FAHD1: variants seen among roughly 807,000 people sequenced by gnomAD.
The protein encoded by FAHD1 is FAH domain containing oxaloacetate decarboxylase 1.
A neutral mutation model predicts 12.7 loss-of-function variants in FAHD1; 14 were observed. The observed-to-expected ratio is 1.10, with a 90% CI of 0.73 to 1.72. The LOEUF is 1.72. Among genes scored for constraint, FAHD1 ranks in the 40% most tolerant of loss-of-function variants. FAHD1 has a pLI of 0.00. For synonymous variants in FAHD1, 153 were observed against 124.9 expected (o/e 1.22, Z -1.50); for missense variants, 351 against 298.9 (o/e 1.17, Z -1.29).
chr16:1,829,059 C>A, downstream of FAHD1: 1 of 369,756 alleles, frequency 2.7e-6, no homozygotes, highest in Non-Finnish European at 3.8e-6. Context: ...ACTTCCCAAC[C>A]GGAGATAAGG....
chr16:1,837,143 G>A (rs1295988593), intron 1 of FAHD1, among the ~76,000 whole-genome samples: 1 of 152,162 alleles, frequency 6.6e-6, no homozygotes, highest in Non-Finnish European at 1.5e-5. Context: ...AAGTGCCTCA[G>A]GAGGCAACTG....
At chr16:1,836,041 GC>G (rs1450068914) in intron 1 of FAHD1, among the ~76,000 whole-genome samples, 2 of 151,942 alleles carry the variant, frequency 1.3e-5, no homozygotes, top group African/African-American at 4.8e-5. Flanking sequence ...TGTAGTTTTA[GC>G]AGAGATGGGG....
chr16:1,828,080 G>C lies in FAHD1; in HGVS notation c.*176G>C, dbSNP rs925556464. The C allele has an allele frequency of 2.8e-5, 34 of 1,234,396 alleles. No individual in the cohort carries two copies. In the African/African-American group the frequency reaches 4.3e-4, roughly 16 times the overall value. 76.5% of individuals were successfully genotyped at this position (1,234,396 alleles called of 1,614,324 possible). A position where few individuals can be genotyped will look rare whatever the true frequency, so the allele number is the denominator to read the frequency against. On this transcript the variant is annotated 3_prime_UTR_variant, in exon 1 of 1. Transcript: ENST00000427358. Reference sequence around the variant, plus strand: ...GCGGCTCACGACGTCAGGAGATCCAGACCATCTTGGCTAACAGGGTGAAAC... The same window carrying C: ...GCGGCTCACGACGTCAGGAGATCCACACCATCTTGGCTAACAGGGTGAAAC...
At chr16:1,833,566 T>C (rs1032726770), downstream of FAHD1, among the ~76,000 whole-genome samples, 2 of 148,820 alleles carry the variant, frequency 1.3e-5, no homozygotes, top group African/African-American at 2.5e-5. Flanking sequence ...TTTTTTTTTT[T>C]TTTTTTTTTT....
downstream of FAHD1, among the ~76,000 whole-genome samples, chr16:1,829,279 A>T (rs543886502): frequency 2.6e-5 from 4 of 152,186 alleles, no homozygotes; most frequent in African/African-American, 9.7e-5. Context: ...AACGGTCCCC[A>T]TGTATTGAAC....
At chr16:1,835,315 T>C (rs974047580) in intron 1 of FAHD1, among the ~76,000 whole-genome samples, 1 of 151,996 alleles carries the variant, frequency 6.6e-6, no homozygotes. Flanking sequence ...GTGTTCAAAC[T>C]ACCAACTGTG....
At chr16:1,835,483 C>A (rs1898718188) in intron 1 of FAHD1, among the ~76,000 whole-genome samples, 1 of 151,956 alleles carries the variant, frequency 6.6e-6, no homozygotes, top group South Asian at 2.1e-4. Context: ...ACATATCAAC[C>A]ACTTTAATTT....
chr16:1,834,940 ACCCC>A (rs140912036), intron 1 of FAHD1, among the ~76,000 whole-genome samples: 1 of 98,566 alleles, frequency 1.0e-5, no homozygotes, highest in South Asian at 3.1e-4. Flanking sequence ...TGTCCCCCCC[ACCCC>A]CCCCCACTAA....
exon 3 of FAHD1, chr16:1,839,375 G>A: frequency 5.0e-6 from 8 of 1,614,126 alleles, no homozygotes; most frequent in Non-Finnish European, 6.8e-6. Context: ...TAAAGTCCAA[G>A]GAGTTTTTGT....
intron 1 of FAHD1, chr16:1,834,488 A>G: frequency 1.7e-6 from 1 of 577,918 alleles, no homozygotes; most frequent in Non-Finnish European, 3.1e-6. Flanking sequence ...ACAGATACTA[A>G]TATAAACTTC....
chr16:1,833,883 A>G (rs1246137831), downstream of FAHD1: 1 of 161,310 alleles, frequency 6.2e-6, no homozygotes, highest in Non-Finnish European at 1.4e-5. Context: ...GAACCAAGAC[A>G]AATAATAAAC....
At chr16:1,837,565 G>C (rs926191363) in intron 1 of FAHD1, 3 of 342,942 alleles carry the variant, frequency 8.7e-6, no homozygotes, top group African/African-American at 6.4e-5. Flanking sequence ...TATTTTCTTT[G>C]TTGGTCTATT....
chr16:1,838,008 G>C (rs908265672), intron 1 of FAHD1: 1 of 1,434,080 alleles, frequency 7.0e-7, no homozygotes, highest in East Asian at 2.5e-5. Context: ...GTTTGTTTTT[G>C]TTTGTAGAGA....
At position 1,839,309 on chromosome 16, in the gene FAHD1, G is replaced by C. The variant is rs201609657; in HGVS notation, c.*56G>C. 13 of 1,614,072 alleles carry C rather than the reference G, an allele frequency of 8.1e-6. No homozygotes were observed. The East Asian group carries it at 2.7e-4, about 33-fold the overall frequency. On this transcript the variant is annotated 3_prime_UTR_variant, in exon 3 of 3. Transcript: ENST00000382666. ...TTCCTGTGAGACTACAGGAATGAAG[G>C]GTGCCTGTGTGATCAGTCAGATCAA...
exon 1 of FAHD1, chr16:1,828,709 C>T (rs890647068): frequency 1.1e-6 from 1 of 933,426 alleles, no homozygotes; most frequent in Non-Finnish European, 1.3e-6. Context: ...GCTGTGTTTA[C>T]AGGGCATTCC....
chr16:1,831,480 G>A (rs1195804516), downstream of FAHD1, among the ~76,000 whole-genome samples: 1 of 152,232 alleles, frequency 6.6e-6, no homozygotes, highest in Non-Finnish European at 1.5e-5. Context: ...TGCTCTCCCC[G>A]CCCTTTCCAT....
downstream of FAHD1, among the ~76,000 whole-genome samples, chr16:1,832,178 C>T (rs202111874): frequency 4.6e-4 from 50 of 108,802 alleles, no homozygotes; most frequent in South Asian, 1.2e-3. Context: ...TATGGTCATT[C>T]TTTTTTTTTT....
chr16:1,832,687 G>A (rs1045735376), downstream of FAHD1, among the ~76,000 whole-genome samples: 4 of 152,056 alleles, frequency 2.6e-5, no homozygotes, highest in Non-Finnish European at 5.9e-5. Flanking sequence ...GGGGCTCAGT[G>A]GAGGGGGCAC....
rs759338353 is a variant in FAHD1 at position 1,827,534 on chromosome 16, AT to A, written c.297del (p.Asp99GlufsTer2). 2.5e-6 allele frequency: 4 copies of A among 1,613,118 alleles called. No homozygotes were observed. The highest frequency in any genetic ancestry group is 3.4e-6 in the Non-Finnish European group (4 of 1,180,022). ...GTGGGCGGCTATGCCCTGTGCCTGG[AT>A]ATGACCGCCCGGGACGTGCAGGACG... On this transcript the variant is annotated frameshift_variant, in exon 1 of 1. Transcript: ENST00000427358. LOFTEE classifies it high-confidence loss of function.
Sources: allele counts gnomAD v4.1 joint callset (sites outside exome capture counted in the v4.1 genomes callset), GRCh38; gene constraint gnomAD v4.1.1; transcripts MANE v1.5; gene names NCBI Gene and HGNC (gene_info 2026-07-23, HGNC 2026-07-21).